CTNNAL1: variants seen among roughly 807,000 people sequenced by gnomAD.
The protein encoded by CTNNAL1 is catenin alpha like 1, also known as alpha-catulin.
A neutral mutation model predicts 93.6 loss-of-function variants in CTNNAL1; 69 were observed. The observed-to-expected ratio is 0.74, with a 90% confidence interval of 0.61 to 0.90. The LOEUF is 0.90. CTNNAL1 is among the 40% of genes least tolerant of loss of function. The pLI is 0.00. For missense variants in CTNNAL1, 836 were observed against 862.0 expected (o/e 0.97, Z 0.38); for synonymous variants, 286 against 305.4 (o/e 0.94, Z 0.66).
chr9:108,943,699 T>C lies in CTNNAL1; in HGVS notation c.2055+4A>G, dbSNP rs1431851244. ...TGTGAAAGTTTTTCATATGTCTCTT[T>C]TACCTTTAGAAATACTTTATTCTGC... On this transcript the variant is annotated splice_donor_region_variant and intron_variant, in intron 17 of 18. Transcript: ENST00000325551. 2 of 1,606,052 alleles carry C rather than the reference T, an allele frequency of 1.2e-6. No individual in the cohort carries two copies. Among genetic ancestry groups the C allele is most frequent in the Non-Finnish European group, 1.7e-6 (2 of 1,177,428 alleles).
At chr9:108,993,369 G>A (rs1313539588) in intron 2 of CTNNAL1, among the ~76,000 whole-genome samples, 1 of 152,174 alleles carries the variant, frequency 6.6e-6, no homozygotes, top group Non-Finnish European at 1.5e-5. Context: ...GGAAAGAACT[G>A]TCAATAGGCA....
intron 15 of CTNNAL1, among the ~76,000 whole-genome samples, chr9:108,947,277 C>T (rs912213976): frequency 7.9e-5 from 12 of 152,188 alleles, no homozygotes; most frequent in African/African-American, 2.6e-4. Flanking sequence ...CCACACCCAG[C>T]GAATTTTGTG....
chr9:108,964,842 T>TTTTATTTATTTA (rs368745715), intron 11 of CTNNAL1, among the ~76,000 whole-genome samples: 6,667 of 136,170 alleles, frequency 0.049, 250 homozygotes, highest in Admixed American at 0.11. Flanking sequence ...ATGCTGTTTG[T>TTTTATTTATTTA]TTTATTTATT....
At chr9:108,972,864 G>GGGGGGGGGAAC in intron 8 of CTNNAL1, 31 bp from the exon 9 acceptor site, 1 of 142,590 alleles carries the variant, frequency 7.0e-6, no homozygotes, top group Non-Finnish European at 1.0e-5. Flanking sequence ...GGGGGGGTGG[G>GGGGGGGGGAAC]AGGGTGGAGA....
At chr9:108,999,009 A>G in intron 2 of CTNNAL1, 58 bp downstream of exon 2, 1 of 1,504,936 alleles carries the variant, frequency 6.6e-7, no homozygotes. Context: ...ATAATTTTTC[A>G]TCATAACCAA....
In CTNNAL1 at chr9:108,979,295, C is replaced by T. The variant is rs1266988385; in HGVS notation, c.1087G>A (p.Val363Met). The T allele has an allele frequency of 3.1e-6, 5 of 1,614,126 alleles. No homozygotes were observed. The highest frequency in any genetic ancestry group is 4.2e-6 in the Non-Finnish European group (5 of 1,179,998). The change falls in exon 7 of 19, where the codon GTG (valine) becomes ATG (methionine). Residue 363 changes from valine (V) to methionine (M), a missense_variant. Coordinates refer to ENST00000325551, the MANE Select transcript of CTNNAL1 (RefSeq NM_003798.4). ...ARMELQQLIS[V>M]WIQAQSKKTK... ...AAAGTTCTTACAGCTTGAATCCACA[C>T]AGAAATTAACTGCTGCAGTTCCATT...
chr9:108,981,418 A>C (rs1487164040), intron 6 of CTNNAL1, among the ~76,000 whole-genome samples: 1 of 151,886 alleles, frequency 6.6e-6, no homozygotes, highest in Non-Finnish European at 1.5e-5. Context: ...GGATTAGAGA[A>C]TCCTGGGCCT....
Position 108,979,244 on chromosome 9 carries a change from A to G in CTNNAL1, c.1101+37T>C, listed in dbSNP as rs553270695. 1.6e-4 allele frequency: 263 copies of G among 1,611,262 alleles called. 1 individual carries two copies. In the South Asian group the frequency reaches 2.7e-3, roughly 17 times the overall value. On this transcript the variant is annotated intron_variant, in intron 7 of 18. Coordinates refer to ENST00000325551, the MANE Select transcript of CTNNAL1 (RefSeq NM_003798.4). ...TGCAAAACTTTATGGGAAAGCCATT[A>G]TATAAGATTTACTTTGATTTTAAAA...
At chr9:108,956,121 T>G (rs1830683090) in intron 11 of CTNNAL1, among the ~76,000 whole-genome samples, 1 of 152,240 alleles carries the variant, frequency 6.6e-6, no homozygotes, top group Non-Finnish European at 1.5e-5. Context: ...GCAATCAGCT[T>G]CATTCACAGA....
chr9:108,943,192 T>G (rs992472868), intron 17 of CTNNAL1, 148 bp from the exon 18 acceptor site: 19 of 725,890 alleles, frequency 2.6e-5, no homozygotes, highest in Non-Finnish European at 3.8e-5. Flanking sequence ...ATGAGCTGAC[T>G]CAAAGCCCCA....
chr9:108,996,314 T>C (rs1204036730), intron 2 of CTNNAL1, among the ~76,000 whole-genome samples: 1 of 152,116 alleles, frequency 6.6e-6, no homozygotes, highest in Non-Finnish European at 1.5e-5. Context: ...ATGAACACTG[T>C]TGACAAACAA....
chr9:108,951,674 C>G (rs568971743), intron 14 of CTNNAL1, among the ~76,000 whole-genome samples: 1 of 152,262 alleles, frequency 6.6e-6, no homozygotes, highest in African/African-American at 2.4e-5. Flanking sequence ...ACATTGACAT[C>G]AACAAGGCAT....
Position 108,983,315 on chromosome 9 carries a change from T to A in CTNNAL1, c.730A>T (p.Thr244Ser). Residue 244 changes from threonine (T) to serine (S), a missense_variant and splice_region_variant, in exon 6 of 19, where the codon ACA (threonine) becomes TCA (serine). Thr to Ser is a moderately conservative substitution (Grantham distance 58). Coordinates refer to ENST00000325551, the MANE Select transcript of CTNNAL1 (RefSeq NM_003798.4). ...CTMMLLTASK[T>S]CLRHPNCESA... is the part of the protein sequence containing the mutation. ...TCGCAGTTAGGATGCCTCAGACATG[T>A]CTTCAAAACAATTGAAAATTTTTAT... 6.7e-7 allele frequency: 1 copy of A among 1,487,654 alleles called. No homozygotes were observed. The highest frequency in any genetic ancestry group is 1.4e-5 in the African/African-American group (1 of 69,164). The allele number at this position is 1,487,654 out of a possible 1,614,324, so 92.2% of individuals were successfully genotyped here.
chr9:108,965,908 A>G (rs1022010462), intron 10 of CTNNAL1, among the ~76,000 whole-genome samples: 24 of 152,232 alleles, frequency 1.6e-4, no homozygotes, highest in Non-Finnish European at 1.3e-4. Flanking sequence ...TGGTGGTGGT[A>G]GTAGCAGTGG....
intron 1 of CTNNAL1, among the ~76,000 whole-genome samples, chr9:109,011,862 T>A (rs1350470961): frequency 6.6e-6 from 1 of 152,270 alleles, no homozygotes; most frequent in African/African-American, 2.4e-5. Flanking sequence ...TACCACATAG[T>A]AAGCATTACA....
At position 108,972,716 on chromosome 9, in the gene CTNNAL1, A is replaced by G; in HGVS notation, c.1306T>C (p.Tyr436His). 6.2e-7 allele frequency: 1 copy of G among 1,614,046 alleles called. No individual in the cohort carries two copies. Among genetic ancestry groups the G allele is most frequent in the Non-Finnish European group, 8.5e-7 (1 of 1,180,000 alleles). Reference protein sequence around the residue: ...VEGNLEALAEYACKLSEQKEQ... With the variant: ...VEGNLEALAEHACKLSEQKEQ... ...TTCTGTTCAGAGAGTTTACAGGCATATTCAGCCAAAGCTTCTAAATTTCCT... is the reference window on the plus strand; with the variant it reads ...TTCTGTTCAGAGAGTTTACAGGCATGTTCAGCCAAAGCTTCTAAATTTCCT... The change falls in exon 9 of 19, where the codon TAT becomes CAT. Residue 436 changes from tyrosine to histidine, a missense_variant. By Grantham distance (83) the Tyr-to-His change is moderately conservative (BLOSUM62 2). Transcript: ENST00000325551.
intron 4 of CTNNAL1, among the ~76,000 whole-genome samples, chr9:108,989,690 A>G (rs926099711): frequency 2.0e-5 from 3 of 152,206 alleles, no homozygotes; most frequent in East Asian, 3.8e-4. Context: ...AATCCTAGAC[A>G]TAATATGATC....
At chr9:108,994,452 C>T in intron 2 of CTNNAL1, among the ~76,000 whole-genome samples, 1 of 152,096 alleles carries the variant, frequency 6.6e-6, no homozygotes. Flanking sequence ...AAAAAAATGG[C>T]CTCAAAGTTG....
intron 1 of CTNNAL1, among the ~76,000 whole-genome samples, chr9:109,008,115 A>G (rs1007613275): frequency 2.0e-5 from 3 of 151,262 alleles, no homozygotes; most frequent in Admixed American, 2.0e-4. Context: ...TTGGGCCATC[A>G]GAAGTAAAAA....
Sources: gnomAD v4.1 joint callset for allele counts (sites outside exome capture counted in the v4.1 genomes callset) on GRCh38, gnomAD v4.1.1 for gene constraint, MANE v1.5 for transcripts, NCBI Gene and HGNC (gene_info 2026-07-23, HGNC 2026-07-21) for gene names.